Variants in CDH18 observed in about 807,000 individuals in gnomAD.
The protein encoded by CDH18 is cadherin 18.
In CDH18, 31 loss-of-function variants were observed where a neutral mutation model predicts 67.9. That is an observed-to-expected ratio of 0.46 (90% CI 0.34 to 0.62). The LOEUF is 0.62. CDH18 is among the 20% of genes least tolerant of loss of function. The pLI is 0.01. For synonymous variants in CDH18, 362 were observed against 347.2 expected, an observed-to-expected ratio of 1.04 and a Z score of -0.48; for missense variants, 890 against 975.5, an observed-to-expected ratio of 0.91 and a Z score of 1.17.
At chr5:20,229,263 T>C (rs968204414) in intron 2 of CDH18, among the ~76,000 whole-genome samples, 7 of 152,130 alleles carry the variant, frequency 4.6e-5, no homozygotes, top group African/African-American at 1.7e-4. Context: ...TTATTTTTGA[T>C]GCACTGTGTA....
rs1754677221 is a variant in CDH18 at position 20,506,622 on chromosome 5, C to T, written c.-580+68840G>A. Among the ~76,000 whole-genome samples the T allele has an allele frequency of 2.6e-5, 4 of 152,302 alleles. No individual in the cohort carries two copies. The South Asian group carries it at 8.3e-4, about 32-fold the overall frequency. On this transcript the variant is annotated intron_variant, in intron 1 of 14. Coordinates refer to the CDH18 transcript ENST00000507958. ...ACACCATGATTTCTGCTTTGAGACA[C>T]TGTAAAGTAAGGGACTCAGTTAAGC...
chr5:20,298,169 G>GA (rs980149557), intron 1 of CDH18, among the ~76,000 whole-genome samples: 18 of 151,322 alleles, frequency 1.2e-4, no homozygotes, highest in Non-Finnish European at 7.4e-5. Context: ...TTTGCATAGG[G>GA]AAAAAAAAGC....
At chr5:20,201,396 G>A (rs937383096) in intron 2 of CDH18, among the ~76,000 whole-genome samples, 3 of 152,106 alleles carry the variant, frequency 2.0e-5, no homozygotes, top group Admixed American at 1.3e-4. Flanking sequence ...GGACTTTAAG[G>A]TAACTTTTTG....
chr5:20,509,718 C>T (rs141682650), intron 1 of CDH18, among the ~76,000 whole-genome samples: 13 of 47,428 alleles, frequency 2.7e-4, no homozygotes, highest in Non-Finnish European at 5.8e-4. Flanking sequence ...CATGCCCAGC[C>T]GATTTTCTTC....
intron 2 of CDH18, among the ~76,000 whole-genome samples, chr5:19,895,059 G>C (rs1789165579): frequency 6.6e-6 from 1 of 152,048 alleles, no homozygotes; most frequent in South Asian, 2.1e-4. Flanking sequence ...ATGCTCACTT[G>C]AACACTGCTC....
At chr5:20,263,882 T>C (rs144015554) in intron 1 of CDH18, among the ~76,000 whole-genome samples, 3 of 152,232 alleles carry the variant, frequency 2.0e-5, no homozygotes, top group Admixed American at 6.5e-5. Context: ...TTTCATTGTT[T>C]ACTACTAGCT....
Position 20,533,022 on chromosome 5 carries a change from C to A in CDH18, c.-580+42440G>T, listed in dbSNP as rs145325402. Among the ~76,000 whole-genome samples the A allele has an allele frequency of 3.9e-5, 6 of 151,932 alleles. No individual in the cohort carries two copies. The East Asian group carries it at 9.7e-4, about 25-fold the overall frequency. ...ACGTTTTTTGGAGACATCTTTCCAG[C>A]GGTGATCAAGTTAAAATGAGGCCAT... On this transcript the variant is annotated intron_variant, in intron 1 of 14. Transcript: ENST00000507958.
At chr5:19,530,225 A>G (rs1273399215) in intron 9 of CDH18, among the ~76,000 whole-genome samples, 2 of 152,118 alleles carry the variant, frequency 1.3e-5, no homozygotes, top group Non-Finnish European at 2.9e-5. Flanking sequence ...GTAAATTCAT[A>G]TTAAAGAAAA....
intron 1 of CDH18, among the ~76,000 whole-genome samples, chr5:20,422,922 G>A (rs1242469538): frequency 6.6e-6 from 1 of 151,136 alleles, no homozygotes; most frequent in Admixed American, 6.6e-5. Context: ...AAAAGAAGGA[G>A]ATGATTTCAA....
At chr5:19,832,326 A>C (rs538842524) in intron 3 of CDH18, among the ~76,000 whole-genome samples, 3 of 152,260 alleles carry the variant, frequency 2.0e-5, no homozygotes, top group East Asian at 1.9e-4. Flanking sequence ...AGATACAAAA[A>C]TTTCAATCGA....
intron 2 of CDH18, among the ~76,000 whole-genome samples, chr5:19,964,171 G>A (rs1361402355): frequency 6.6e-6 from 1 of 152,056 alleles, no homozygotes; most frequent in East Asian, 1.9e-4. Context: ...TTGAAAACTA[G>A]AACATGATAT....
At chr5:20,333,528 TACACACACAC>T (rs10658368) in intron 1 of CDH18, among the ~76,000 whole-genome samples, 2 of 136,840 alleles carry the variant, frequency 1.5e-5, no homozygotes, top group African/African-American at 5.4e-5. Context: ...ACAATATATA[TACACACACAC>T]ACACACACAC....
intron 1 of CDH18, among the ~76,000 whole-genome samples, chr5:20,545,900 G>T (rs538834617): frequency 6.6e-6 from 1 of 152,058 alleles, no homozygotes; most frequent in Non-Finnish European, 1.5e-5. Flanking sequence ...TTTATGCTCT[G>T]CTTCCCTTTT....
At chr5:20,239,380 C>T (rs1457607030) in intron 2 of CDH18, among the ~76,000 whole-genome samples, 5 of 152,134 alleles carry the variant, frequency 3.3e-5, no homozygotes, top group Non-Finnish European at 5.9e-5. Context: ...GGCATGAACC[C>T]GGGAGGCAGA....
chr5:20,457,171 T>C (rs1003324878), intron 1 of CDH18, among the ~76,000 whole-genome samples: 1 of 152,178 alleles, frequency 6.6e-6, no homozygotes, highest in Admixed American at 6.5e-5. Flanking sequence ...TGTCAAACTA[T>C]TGAAACGGTG....
At chr5:20,094,129 T>C (rs1356323186) in intron 2 of CDH18, among the ~76,000 whole-genome samples, 1 of 152,022 alleles carries the variant, frequency 6.6e-6, no homozygotes, top group Non-Finnish European at 1.5e-5. Flanking sequence ...CAAAATGAGA[T>C]TTAAATTAAG....
chr5:19,666,096 G>A (rs1013787061), intron 5 of CDH18, among the ~76,000 whole-genome samples: 3 of 151,278 alleles, frequency 2.0e-5, no homozygotes, highest in African/African-American at 7.3e-5. Flanking sequence ...TTGACACAGG[G>A]TCTTGCTCTG....
chr5:20,121,228 T>A (rs1748327683), intron 2 of CDH18, among the ~76,000 whole-genome samples: 2 of 152,184 alleles, frequency 1.3e-5, no homozygotes, highest in Admixed American at 6.5e-5. Context: ...AAAAAGCAGT[T>A]ATTTGCAAGA....
At chr5:20,379,789 A>G (rs1562017346) in intron 1 of CDH18, among the ~76,000 whole-genome samples, 1 of 146,738 alleles carries the variant, frequency 6.8e-6, no homozygotes, top group Non-Finnish European at 1.5e-5. Context: ...TTAAAGACAA[A>G]TATGAAAAAA....
Sources: gnomAD v4.1 joint callset for allele counts (sites outside exome capture counted in the v4.1 genomes callset) on GRCh38, gnomAD v4.1.1 for gene constraint, MANE v1.5 for transcripts, NCBI Gene and HGNC (gene_info 2026-07-23, HGNC 2026-07-21) for gene names.